Variants in LRRC4C observed in about 807,000 individuals in gnomAD.
LRRC4C encodes leucine-rich repeat-containing protein 4C.
LRRC4C carries 5 observed loss-of-function variants against 33.6 expected under a neutral mutation model. That is an observed-to-expected ratio of 0.15 (90% CI 0.08 to 0.31). The LOEUF (loss-of-function observed/expected upper bound fraction) is 0.31. Ranked by LOEUF, LRRC4C falls within the 10% of genes least tolerant of loss-of-function variation. The probability of loss-of-function intolerance (pLI) is 1.00; values close to 1 mark genes in which losing one functional copy is unlikely to be tolerated. For synonymous variants in LRRC4C, 329 were observed against 302.0 expected (o/e 1.09, Z -0.93); for missense variants, 560 against 796.7 (o/e 0.70, Z 3.58).
chr11:40,178,081 T>A (rs773216093), intron 5 of LRRC4C, among the ~76,000 whole-genome samples: 1 of 152,196 alleles, frequency 6.6e-6, no homozygotes, highest in Non-Finnish European at 1.5e-5. Flanking sequence ...TATCAGCTTT[T>A]ATGTTAGTAT....
intron 2 of LRRC4C, among the ~76,000 whole-genome samples, chr11:40,743,438 A>T (rs907259004): frequency 6.6e-6 from 1 of 152,076 alleles, no homozygotes; most frequent in Non-Finnish European, 1.5e-5. Flanking sequence ...TAAAATTAAG[A>T]TGTCAGCAGA....
chr11:40,357,201 T>A (rs1315683883), intron 3 of LRRC4C, among the ~76,000 whole-genome samples: 1 of 152,146 alleles, frequency 6.6e-6, no homozygotes, highest in East Asian at 1.9e-4. Context: ...GATAGGGGAC[T>A]GGGGAAAATT....
chr11:40,368,473 C>T (rs1474564786), intron 3 of LRRC4C, among the ~76,000 whole-genome samples: 7 of 152,100 alleles, frequency 4.6e-5, no homozygotes, highest in Non-Finnish European at 7.4e-5. Flanking sequence ...AACATTTTTA[C>T]AAGTGTTTAT....
At chr11:40,363,569 A>G (rs1018268212) in intron 3 of LRRC4C, among the ~76,000 whole-genome samples, 4 of 145,406 alleles carry the variant, frequency 2.8e-5, no homozygotes, top group African/African-American at 7.5e-5. Flanking sequence ...AAATAAAAGT[A>G]AAAAAAAAAA....
At chr11:40,769,628 A>T (rs1949655374) in intron 2 of LRRC4C, among the ~76,000 whole-genome samples, 1 of 152,208 alleles carries the variant, frequency 6.6e-6, no homozygotes, top group Non-Finnish European at 1.5e-5. Flanking sequence ...GCATAAAAAC[A>T]GATACATAGA....
In LRRC4C at chr11:40,506,354, G is replaced by T. The variant is rs117938430; in HGVS notation, c.-270+141788C>A. 5.2e-3 allele frequency among the ~76,000 whole-genome samples: 787 copies of T among 152,282 alleles called. 7 individuals are homozygous for T. Among genetic ancestry groups the T allele is most frequent in the Middle Eastern group, 0.01 (3 of 294 alleles). On this transcript the variant is annotated intron_variant, in intron 3 of 6. Transcript: ENST00000528697. ...AGCTGTGTGGCTTTTCACATGAACAGAAATCTTAACACTACTGAATGAAAA... is the reference window on the plus strand; with the variant it reads ...AGCTGTGTGGCTTTTCACATGAACATAAATCTTAACACTACTGAATGAAAA...
rs56234239 is a variant in LRRC4C, at chr11:41,037,574, TCACACA to T, written c.-495-103857_-495-103852del. 5.9e-3 allele frequency among the ~76,000 whole-genome samples: 879 copies of T among 148,964 alleles called. 9 individuals are homozygous for T. Among genetic ancestry groups the T allele is most frequent in the African/African-American group, 0.021 (834 of 40,612 alleles). On this transcript the variant is annotated intron_variant, in intron 1 of 6. Coordinates refer to ENST00000528697, the MANE Select transcript of LRRC4C (RefSeq NM_001258419.2). ...CTGAACTTTCTTACTTCTTTTCCTT[TCACACA>T]CACACACACACACACACACACACGC...
chr11:40,607,114 T>A (rs1960697183), intron 3 of LRRC4C, among the ~76,000 whole-genome samples: 1 of 152,144 alleles, frequency 6.6e-6, no homozygotes. Flanking sequence ...TGGCAAATCA[T>A]CCTTCAAAAA....
intron 2 of LRRC4C, among the ~76,000 whole-genome samples, chr11:40,913,763 G>C (rs878964767): frequency 1.3e-5 from 2 of 152,098 alleles, no homozygotes; most frequent in African/African-American, 4.8e-5. Flanking sequence ...CCAGGAGCTG[G>C]TTTTTTGAAA....
intron 1 of LRRC4C, among the ~76,000 whole-genome samples, chr11:41,319,038 A>G (rs1433444733): frequency 6.6e-6 from 1 of 152,204 alleles, no homozygotes; most frequent in Non-Finnish European, 1.5e-5. Context: ...GAGCCACAGA[A>G]AGAATATGTG....
intron 1 of LRRC4C, among the ~76,000 whole-genome samples, chr11:41,378,035 G>C (rs1263964028): frequency 1.3e-5 from 2 of 152,036 alleles, no homozygotes; most frequent in African/African-American, 4.8e-5. Flanking sequence ...GCGGGCAGTG[G>C]GGGTAGCACA....
At chr11:41,329,806 C>A (rs557856049) in intron 1 of LRRC4C, among the ~76,000 whole-genome samples, 1 of 152,234 alleles carries the variant, frequency 6.6e-6, no homozygotes, top group South Asian at 2.1e-4. Context: ...ATTTAATGGG[C>A]AGGGCTGATA....
At chr11:41,443,870 G>A (rs576455140) in intron 1 of LRRC4C, among the ~76,000 whole-genome samples, 4 of 147,086 alleles carry the variant, frequency 2.7e-5, no homozygotes, top group South Asian at 2.1e-4. Context: ...TGATCACACC[G>A]CCTCAGCCTC....
At chr11:40,540,817 T>C (rs1359649719) in intron 3 of LRRC4C, among the ~76,000 whole-genome samples, 2 of 152,168 alleles carry the variant, frequency 1.3e-5, no homozygotes, top group Non-Finnish European at 1.5e-5. Flanking sequence ...ATCTCTCTTC[T>C]ATAGAAAGGT....
At chr11:40,320,359 G>A (rs552094187) in intron 3 of LRRC4C, among the ~76,000 whole-genome samples, 1 of 152,090 alleles carries the variant, frequency 6.6e-6, no homozygotes, top group Admixed American at 6.6e-5. Flanking sequence ...CAAAAAATTA[G>A]CCAGGTATGG....
At chr11:40,483,657 G>T (rs920617076) in intron 3 of LRRC4C, among the ~76,000 whole-genome samples, 1 of 151,874 alleles carries the variant, frequency 6.6e-6, no homozygotes, top group Non-Finnish European at 1.5e-5. Context: ...ACCAAGGAAA[G>T]CACATAGACA....
At chr11:41,222,672 G>T (rs985007487) in intron 1 of LRRC4C, 1 of 151,844 alleles carries the variant, frequency 6.6e-6, no homozygotes, top group African/African-American at 2.4e-5. Context: ...TCTATCCCAG[G>T]GGAAGGTCTC....
chr11:41,009,370 T>A (rs545359195), intron 1 of LRRC4C, among the ~76,000 whole-genome samples: 4 of 151,992 alleles, frequency 2.6e-5, no homozygotes, highest in African/African-American at 9.7e-5. Context: ...GGATCTGAGA[T>A]GGTAACTAAA....
At chr11:40,540,709 C>T (rs1956673591) in intron 3 of LRRC4C, among the ~76,000 whole-genome samples, 1 of 151,930 alleles carries the variant, frequency 6.6e-6, no homozygotes, top group Non-Finnish European at 1.5e-5. Context: ...CATCTAGTAC[C>T]CCACATTTGA....
Sources: gnomAD v4.1 joint callset for allele counts (sites outside exome capture counted in the v4.1 genomes callset) on GRCh38, gnomAD v4.1.1 for gene constraint, MANE v1.5 for transcripts, NCBI Gene and HGNC (gene_info 2026-07-23, HGNC 2026-07-21) for gene names.